The following PIK3R6 variants were observed in gnomAD, a reference collection of about 807,000 sequenced individuals.
PIK3R6 encodes the protein phosphoinositide-3-kinase regulatory subunit 6, also known as phosphoinositide 3-kinase regulatory subunit 6.
In PIK3R6, 91 loss-of-function variants were observed where a neutral mutation model predicts 84.9. The ratio of observed to expected loss-of-function variants is 1.07; its 90% CI spans 0.90 to 1.28. The LOEUF is 1.28. Ranked by LOEUF, PIK3R6 falls within the 50% of genes most tolerant of loss-of-function variation. PIK3R6 has a pLI of 0.00. For synonymous variants in PIK3R6, 416 were observed against 411.4 expected, an observed-to-expected ratio of 1.01 and a Z score of -0.13; for missense variants, 996 against 985.1, an observed-to-expected ratio of 1.01 and a Z score of -0.15.
In PIK3R6 at chr17:8,836,934, G is replaced by T; in HGVS notation, c.259-11C>A. The stretch of plus-strand genomic sequence containing the variant: ...TGTGATTCCTGTGGCCTGGGTGAGA[G>T]GGAGGAGGGGGAGGTGAGAGGGAGG... On this transcript the variant is annotated splice_polypyrimidine_tract_variant and intron_variant, in intron 5 of 19. Transcript: ENST00000619866. The T allele has an allele frequency of 6.5e-7, 1 of 1,544,212 alleles. No individual in the cohort carries two copies. Among genetic ancestry groups the T allele is most frequent in the African/African-American group, 1.4e-5 (1 of 72,732 alleles).
intron 1 of PIK3R6, among the ~76,000 whole-genome samples, chr17:8,857,744 C>CA (rs758805596): frequency 2.6e-5 from 4 of 151,886 alleles, no homozygotes; most frequent in Non-Finnish European, 5.9e-5. Flanking sequence ...ACTAAAAATA[C>CA]AAAAAATTAG....
chr17:8,827,762 A>AGGAG lies in PIK3R6; in HGVS notation c.1392+346_1392+349dup, dbSNP rs2087985249. On this transcript the variant is annotated intron_variant, in intron 12 of 19. Coordinates refer to ENST00000619866, the MANE Select transcript of PIK3R6 (RefSeq NM_001010855.4). Reference sequence around the variant, plus strand: ...GAAGGGGAGAGAGAGAGAGAGAGAGAGGAGAGAGAGAGAGAGAGAGAGAGA... The same window carrying AGGAG: ...GAAGGGGAGAGAGAGAGAGAGAGAGAGGAGGGAGAGAGAGAGAGAGAGAGAGAGA... Among the ~76,000 whole-genome samples the AGGAG allele has an allele frequency of 1.8e-4, 8 of 43,444 alleles. No homozygotes were observed. The South Asian group carries it at 3.9e-3, about 21-fold the overall frequency. The allele number at this position is 43,444 out of a possible 152,430, so 28.5% of individuals were successfully genotyped here.
At chr17:8,804,221 A>C in intron 18 of PIK3R6, 68 bp from the exon 19 acceptor site, 1 of 1,294,840 alleles carries the variant, frequency 7.7e-7, no homozygotes, top group African/African-American at 1.5e-5. Flanking sequence ...AACATGCCCT[A>C]CCCTGGAATC....
At chr17:8,829,666 A>T in intron 10 of PIK3R6, 40 bp downstream of exon 10, 1 of 1,527,136 alleles carries the variant, frequency 6.5e-7, no homozygotes. Flanking sequence ...ACAGACACAG[A>T]CATATACCAC....
At position 8,839,813 on chromosome 17, in the gene PIK3R6, A is replaced by G. The variant is rs2088614033; in HGVS notation, c.14-116T>C. The G allele has an allele frequency of 4.9e-6, 4 of 817,394 alleles. No individual in the cohort carries two copies. In the Admixed American group the frequency reaches 9.0e-5, roughly 18 times the overall value. The allele number at this position is 817,394 out of a possible 1,614,324, so 50.6% of individuals were successfully genotyped here. On this transcript the variant is annotated intron_variant, in intron 2 of 19. Transcript: ENST00000619866. The surrounding 1 kb of genome is among the most constrained non-coding windows in gnomAD (Gnocchi z 4.2). Reference sequence around the variant, plus strand: ...TCTCTGAGCCTCAGGAGGTGCCCGAAGTAATCGACTTAGAGCTGGCAGCCA... The same window carrying G: ...TCTCTGAGCCTCAGGAGGTGCCCGAGGTAATCGACTTAGAGCTGGCAGCCA...
intron 17 of PIK3R6, among the ~76,000 whole-genome samples, chr17:8,821,194 T>G (rs1362268451): frequency 1.3e-5 from 2 of 152,144 alleles, no homozygotes. Flanking sequence ...GGGGAGGCAG[T>G]GGTAAGGAAC....
At chr17:8,814,969 C>T (rs1229643045) in intron 18 of PIK3R6, among the ~76,000 whole-genome samples, 1 of 152,006 alleles carries the variant, frequency 6.6e-6, no homozygotes, top group African/African-American at 2.4e-5. Context: ...CATAAGAAGG[C>T]ACCATATTAT....
At position 8,828,869 on chromosome 17, in the gene PIK3R6, G is replaced by A; in HGVS notation, c.1011C>T (p.Ser337=). The change falls in exon 11 of 20, where the codon TCC becomes TCT. Residue 337 remains serine (S), a synonymous_variant. Transcript: ENST00000619866. ...DRELARVSVL[S]TDSGIERDLP... ...GGTCCCGCTCAATGCCGCTGTCAGT[G>A]GACAGCACAGAAACCCGGGCCAACT... is the stretch of plus-strand genomic sequence containing the variant. 6.3e-7 allele frequency: 1 copy of A among 1,589,176 alleles called. No homozygotes were observed. The highest frequency in any genetic ancestry group is 8.6e-7 in the Non-Finnish European group (1 of 1,167,390).
At chr17:8,861,805 G>A (rs985069229) in intron 1 of PIK3R6, among the ~76,000 whole-genome samples, 1 of 152,202 alleles carries the variant, frequency 6.6e-6, no homozygotes, top group Non-Finnish European at 1.5e-5. Flanking sequence ...GCTGCTGTCA[G>A]TCAGCCAAGG....
At chr17:8,825,456 C>T (rs1331205234) in intron 13 of PIK3R6, among the ~76,000 whole-genome samples, 1 of 152,120 alleles carries the variant, frequency 6.6e-6, no homozygotes, top group Non-Finnish European at 1.5e-5. Context: ...ATGAATAAAT[C>T]AATGAGAGCA....
chr17:8,829,740 G>C lies in PIK3R6; in HGVS notation c.855C>G (p.Ile285Met). ...CCTCACCGGTCCACAAGTGGAAGGT[G>C]ATGTAGGGGCTGGGCAGGGGAATGC... ...PPSIPLPSPY[I>M]TFHLWTGEEQ... is the part of the protein sequence containing the mutation. Residue 285 changes from isoleucine (I) to methionine (M), a missense_variant, in exon 10 of 20, where the codon ATC (isoleucine) becomes ATG (methionine). By Grantham distance (10) the Ile-to-Met change is conservative. Coordinates refer to ENST00000619866, the MANE Select transcript of PIK3R6 (RefSeq NM_001010855.4). 6.4e-7 allele frequency: 1 copy of C among 1,553,854 alleles called. No individual in the cohort carries two copies. The highest frequency in any genetic ancestry group is 8.7e-7 in the Non-Finnish European group (1 of 1,148,416).
intron 8 of PIK3R6, among the ~76,000 whole-genome samples, chr17:8,833,473 T>C (rs1597409066): frequency 6.6e-6 from 1 of 151,952 alleles, no homozygotes; most frequent in East Asian, 1.9e-4. Context: ...GGTGTTGTTC[T>C]AGGGGCTGGG....
chr17:8,824,715 G>A (rs1026740775), intron 13 of PIK3R6, among the ~76,000 whole-genome samples: 2 of 152,108 alleles, frequency 1.3e-5, no homozygotes, highest in African/African-American at 4.8e-5. Flanking sequence ...GCACCAATGG[G>A]GCCTGCATCA....
chr17:8,811,707 C>T (rs1304425000), intron 18 of PIK3R6, among the ~76,000 whole-genome samples: 2 of 148,240 alleles, frequency 1.3e-5, no homozygotes, highest in Non-Finnish European at 2.9e-5. Flanking sequence ...ACAAGTTCCT[C>T]ATTTCCATCT....
At chr17:8,829,511 CAT>C in intron 10 of PIK3R6, among the ~76,000 whole-genome samples, 193 bp downstream of exon 10, 1 of 113,696 alleles carries the variant, frequency 8.8e-6, no homozygotes, top group Admixed American at 8.6e-5. Flanking sequence ...GACACACACT[CAT>C]GCATACACAC....
rs1401613576 is a variant in PIK3R6 at position 8,803,767 on chromosome 17, A to T, written c.2108+274T>A. On this transcript the variant is annotated intron_variant, in intron 19 of 19. Coordinates refer to ENST00000619866, the MANE Select transcript of PIK3R6 (RefSeq NM_001010855.4). The surrounding 1 kb of genome is among the most constrained non-coding windows in gnomAD (Gnocchi z 5.0). ...GGCCCGTGCCTGCAGAGGGGACTGG[A>T]TCAGGAGGCTGCAGGCTGAGTGTAT... is the stretch of plus-strand genomic sequence containing the variant. 3 of 569,406 alleles carry T rather than the reference A, an allele frequency of 5.3e-6. No individual in the cohort carries two copies. The highest frequency in any genetic ancestry group is 3.8e-5 in the African/African-American group (2 of 53,330). The allele number at this position is 569,406 out of a possible 1,614,324, so 35.3% of individuals were successfully genotyped here. A position where few individuals can be genotyped will look rare whatever the true frequency, so the allele number is the denominator to read the frequency against.
chr17:8,828,397 T>C (rs1340713168), intron 11 of PIK3R6, among the ~76,000 whole-genome samples, 170 bp downstream of exon 11: 3 of 152,122 alleles, frequency 2.0e-5, no homozygotes, highest in Admixed American at 6.5e-5. Flanking sequence ...AAAGCAGGGA[T>C]TGCGGTGCTC....
rs1347295438 is a variant in PIK3R6 at position 8,802,736 on chromosome 17, A to C, written c.*537T>G. The C allele has an allele frequency of 3.2e-5, 5 of 158,158 alleles. No individual in the cohort carries two copies. The highest frequency in any genetic ancestry group is 3.0e-4 in the Admixed American group (5 of 16,512). The allele number at this position is 158,158 out of a possible 1,614,324, so 9.8% of individuals were successfully genotyped here. A position where few individuals can be genotyped will look rare whatever the true frequency, so the allele number is the denominator to read the frequency against. Reference sequence around the variant, plus strand: ...ATTGCCAGGTATGAGATGAAAGCAGAAAGACTTCAGTGTACATTTATTGAG... The same window carrying C: ...ATTGCCAGGTATGAGATGAAAGCAGCAAGACTTCAGTGTACATTTATTGAG... On this transcript the variant is annotated 3_prime_UTR_variant, in exon 20 of 20. Transcript: ENST00000619866.
At chr17:8,846,196 A>G (rs980384874) in intron 2 of PIK3R6, among the ~76,000 whole-genome samples, 1 of 152,308 alleles carries the variant, frequency 6.6e-6, no homozygotes, top group East Asian at 1.9e-4. Context: ...CAGTTATCCC[A>G]GTACCATTTA....
Sources: gnomAD v4.1 joint callset for allele counts (sites outside exome capture counted in the v4.1 genomes callset) on GRCh38, gnomAD v4.1.1 for gene constraint, Gnocchi (gnomAD v3.1) non-coding constraint, MANE v1.5 for transcripts, NCBI Gene and HGNC (gene_info 2026-07-23, HGNC 2026-07-21) for gene names.